Variants in MLXIP observed in about 807,000 individuals in gnomAD.
MLXIP encodes MLX interacting protein.
In MLXIP, 30 loss-of-function variants were observed where a neutral mutation model predicts 87.2. The observed-to-expected ratio is 0.34, with a 90% CI of 0.26 to 0.47. The LOEUF is 0.47. MLXIP is among the 20% of genes least tolerant of loss of function. The probability of loss-of-function intolerance (pLI) is 1.00; values close to 1 mark genes in which losing one functional copy is unlikely to be tolerated. For missense variants in MLXIP, 1,002 were observed against 1,240.1 expected, an observed-to-expected ratio of 0.81 and a Z score of 2.88; for synonymous variants, 530 against 514.0, an observed-to-expected ratio of 1.03 and a Z score of -0.42.
chr12:122,128,000 T>C (rs762618131), intron 3 of MLXIP, 32 bp downstream of exon 3: 1 of 1,581,964 alleles, frequency 6.3e-7, no homozygotes, highest in Non-Finnish European at 8.7e-7. Flanking sequence ...TGGCTGAGAG[T>C]GGAAACATAC....
In MLXIP at chr12:122,138,257, G is replaced by C. The variant is rs770286094; in HGVS notation, c.2218G>C (p.Asp740His). Residue 740 changes from aspartate to histidine, a missense_variant, in exon 13 of 17, where the codon GAC becomes CAC. Coordinates refer to ENST00000319080, the MANE Select transcript of MLXIP (RefSeq NM_014938.6). Reference protein sequence around the residue: ...KRRFNIKMCFDMLNSLISNNS... With the variant: ...KRRFNIKMCFHMLNSLISNNS... ...GCGCTTCAACATCAAGATGTGCTTCGACATGCTCAACAGCCTCATCTCCAA... is the reference window on the plus strand; with the variant it reads ...GCGCTTCAACATCAAGATGTGCTTCCACATGCTCAACAGCCTCATCTCCAA... The C allele has an allele frequency of 3.1e-6, 5 of 1,613,238 alleles. No individual in the cohort carries two copies. The highest frequency in any genetic ancestry group is 4.5e-5 in the East Asian group (2 of 44,878).
In MLXIP at chr12:122,135,363, C is replaced by T. The variant is rs1944728489; in HGVS notation, c.1854+18C>T. ...TCGCCAGGGTGAGGAGGGCCCTAGG[C>T]AGACCTGCAGTGTCCTTCTCACCCC... is the stretch of plus-strand genomic sequence containing the variant. On this transcript the variant is annotated intron_variant, in intron 10 of 16. Transcript: ENST00000319080. This position sits in a 1 kb window ranked among gnomAD's most constrained non-coding sequence, Gnocchi z 5.3. 1 of 1,607,766 alleles carries T rather than the reference C, an allele frequency of 6.2e-7. No individual in the cohort carries two copies. Among genetic ancestry groups the T allele is most frequent in the African/African-American group, 1.3e-5 (1 of 74,876 alleles).
intron 1 of MLXIP, among the ~76,000 whole-genome samples, chr12:122,088,942 C>T (rs965264902): frequency 4.3e-5 from 6 of 138,234 alleles, no homozygotes; most frequent in Admixed American, 3.3e-4. Context: ...GAGGTTGAGG[C>T]GGGAGGACTG....
chr12:122,096,775 G>A (rs145806363), intron 1 of MLXIP, among the ~76,000 whole-genome samples: 76,896 of 151,962 alleles, frequency 0.51, 19,970 homozygotes, highest in Middle Eastern at 0.64. Context: ...CTGTGACCGC[G>A]GTGTCCCCGA....
intron 1 of MLXIP, among the ~76,000 whole-genome samples, chr12:122,105,588 C>T (rs1033081123): frequency 6.6e-5 from 10 of 152,038 alleles, no homozygotes; most frequent in East Asian, 1.9e-4. Context: ...CTGCCTGACT[C>T]GGCCTCCCAA....
intron 1 of MLXIP, among the ~76,000 whole-genome samples, chr12:122,093,712 TGGGGGGTGTGTTTGC>T: frequency 8.1e-6 from 1 of 123,260 alleles, no homozygotes; most frequent in Admixed American, 8.8e-5. Flanking sequence ...TGTGTTGGTG[TGGGGGGTGTGTTTGC>T]GGTGCCTGTG....
rs142378393 is a variant in MLXIP, at chr12:122,114,313, C to T, written c.414-12943C>T. On this transcript the variant is annotated intron_variant, in intron 1 of 16. Transcript: ENST00000319080. ...CTGCCTTCATTTCTAATACCAAATG[C>T]AAGTTGGGGAGTTCCCAAAACCACC... Among the ~76,000 whole-genome samples the T allele has an allele frequency of 9.9e-5, 15 of 152,252 alleles. No homozygotes were observed. In the East Asian group the frequency reaches 2.9e-3, roughly 29 times the overall value.
At chr12:122,129,022 G>A in intron 3 of MLXIP, 115 bp from the exon 4 acceptor site, 1 of 793,822 alleles carries the variant, frequency 1.3e-6, no homozygotes, top group Non-Finnish European at 2.1e-6. Context: ...CCACTGTGGG[G>A]TTTCCCGCTG....
chr12:122,142,287 T>C lies in MLXIP; in HGVS notation c.*475T>C. The C allele has an allele frequency of 1.5e-6, 1 of 688,918 alleles. No homozygotes were observed. Among genetic ancestry groups the C allele is most frequent in the South Asian group, 1.5e-5 (1 of 66,670 alleles). 42.7% of individuals were successfully genotyped at this position (688,918 alleles called of 1,614,324 possible). A position where few individuals can be genotyped will look rare whatever the true frequency, so the allele number is the denominator to read the frequency against. Reference sequence around the variant, plus strand: ...CTCTCTGGTCTGCCCGTGGGGCAGTTGGAAGGCGTCTTTCTTTCTCCCCTC... The same window carrying C: ...CTCTCTGGTCTGCCCGTGGGGCAGTCGGAAGGCGTCTTTCTTTCTCCCCTC... On this transcript the variant is annotated 3_prime_UTR_variant, in exon 17 of 17. Transcript: ENST00000319080.
chr12:122,111,653 G>A (rs1267711957), intron 1 of MLXIP, among the ~76,000 whole-genome samples: 1 of 152,104 alleles, frequency 6.6e-6, no homozygotes, highest in Non-Finnish European at 1.5e-5. Context: ...TGAGGATAGT[G>A]CTTGTGTTTG....
At chr12:122,100,596 A>C (rs1309714080) in intron 1 of MLXIP, among the ~76,000 whole-genome samples, 1 of 152,202 alleles carries the variant, frequency 6.6e-6, no homozygotes, top group Admixed American at 6.5e-5. Context: ...CAACAGTCCC[A>C]GACTTTCTCA....
chr12:122,120,352 A>G (rs1240032869), intron 1 of MLXIP, among the ~76,000 whole-genome samples: 1 of 151,968 alleles, frequency 6.6e-6, no homozygotes, highest in Non-Finnish European at 1.5e-5. Context: ...TCTTCTGAGT[A>G]GCTAGGACCA....
intron 13 of MLXIP, 36 bp from the exon 14 acceptor site, chr12:122,138,388 G>C (rs1408355626): frequency 1.2e-6 from 2 of 1,610,958 alleles, no homozygotes; most frequent in Non-Finnish European, 1.7e-6. Context: ...CCTGCTGGCT[G>C]TGGGTGCTGC....
chr12:122,129,839 C>T (rs540224727), intron 5 of MLXIP, 102 bp from the exon 6 acceptor site: 335 of 1,456,234 alleles, frequency 2.3e-4, no homozygotes, highest in African/African-American at 1.2e-3. Flanking sequence ...CTCACTTCCA[C>T]TGAGCACCCC....
Position 122,133,625 on chromosome 12 carries a change from C to A in MLXIP, c.1370C>A (p.Ala457Asp). Reference protein sequence around the residue: ...SPVLPLVPPPATALNPPAPPT... With the variant: ...SPVLPLVPPPDTALNPPAPPT... ...GTGTTACCATTAGTTCCTCCTCCTGCCACTGCCCTGAACCCCCCGGCTCCA... is the reference window on the plus strand; with the variant it reads ...GTGTTACCATTAGTTCCTCCTCCTGACACTGCCCTGAACCCCCCGGCTCCA... The change falls in exon 9 of 17, where the codon GCC becomes GAC. Residue 457 changes from alanine to aspartate, a missense_variant. Ala to Asp is a moderately radical substitution (Grantham distance 126, BLOSUM62 -2). Around this residue, in one of 3 missense-constraint regions of MLXIP, gnomAD observed 746 missense variants for 897.0 expected, o/e 0.83. Coordinates refer to ENST00000319080, the MANE Select transcript of MLXIP (RefSeq NM_014938.6). This position sits in a 1 kb window ranked among gnomAD's most constrained non-coding sequence, Gnocchi z 4.9. 1 of 1,612,538 alleles carries A rather than the reference C, an allele frequency of 6.2e-7. No homozygotes were observed.
intron 1 of MLXIP, among the ~76,000 whole-genome samples, chr12:122,111,028 G>T (rs1399690029): frequency 1.4e-5 from 2 of 145,064 alleles, no homozygotes; most frequent in African/African-American, 2.6e-5. Context: ...AGTGAGCCGA[G>T]ATGGCGCCAC....
At chr12:122,089,965 C>T (rs920872778) in intron 1 of MLXIP, among the ~76,000 whole-genome samples, 3 of 152,112 alleles carry the variant, frequency 2.0e-5, no homozygotes, top group Non-Finnish European at 2.9e-5. Context: ...GACAGTGGTG[C>T]GACTGGTTAG....
At chr12:122,141,630 G>T in intron 16 of MLXIP, 61 bp from the exon 17 acceptor site, 5 of 1,590,860 alleles carry the variant, frequency 3.1e-6, no homozygotes, top group South Asian at 2.3e-5. Flanking sequence ...GTACAAAGCC[G>T]AGTGTGCGGT....
chr12:122,107,038 C>T (rs1200230377), intron 1 of MLXIP, among the ~76,000 whole-genome samples: 2 of 152,184 alleles, frequency 1.3e-5, no homozygotes, highest in African/African-American at 4.8e-5. Context: ...GGCAGGGGTT[C>T]AACGTCACCA....
Sources: gnomAD v4.1 joint callset for allele counts (sites outside exome capture counted in the v4.1 genomes callset) on GRCh38, gnomAD v4.1.1 for gene constraint, gnomAD v4.1.1 regional missense constraint, Gnocchi (gnomAD v3.1) non-coding constraint, MANE v1.5 for transcripts, NCBI Gene and HGNC (gene_info 2026-07-23, HGNC 2026-07-21) for gene names.